The following UNC13B variants were observed in gnomAD, a reference collection of about 807,000 sequenced individuals.
UNC13B encodes the protein protein unc-13 homolog B.
Under a neutral mutation model 211.0 loss-of-function variants are expected in UNC13B, and 144 were observed. The observed-to-expected ratio is 0.68, with a 90% CI of 0.60 to 0.78. The LOEUF (loss-of-function observed/expected upper bound fraction) is 0.78. Ranked by LOEUF, UNC13B falls within the 30% of genes least tolerant of loss-of-function variation. The pLI, the probability that UNC13B is intolerant of heterozygous loss-of-function variation, is 0.00. For synonymous variants in UNC13B, 709 were observed against 725.8 expected, an observed-to-expected ratio of 0.98 and a Z score of 0.37; for missense variants, 1,777 against 2,002.0, an observed-to-expected ratio of 0.89 and a Z score of 2.14.
At chr9:35,376,854 G>C (rs1834449205) in intron 15 of UNC13B, among the ~76,000 whole-genome samples, 1 of 152,196 alleles carries the variant, frequency 6.6e-6, no homozygotes, top group African/African-American at 2.4e-5. Context: ...ACAAGTTCTT[G>C]TTAGAGGAAA....
At chr9:35,372,132 C>A (rs770576393) in intron 13 of UNC13B, among the ~76,000 whole-genome samples, 1 of 152,106 alleles carries the variant, frequency 6.6e-6, no homozygotes, top group Admixed American at 6.5e-5. Context: ...ATTAGCCAGC[C>A]GTGGTGGCGA....
At chr9:35,183,670 A>T (rs1822132686) in intron 1 of UNC13B, among the ~76,000 whole-genome samples, 1 of 132,702 alleles carries the variant, frequency 7.5e-6, no homozygotes. Flanking sequence ...GGCCGGGCAG[A>T]GGCGCTCCTC....
At chr9:35,299,530 T>A (rs77253965) in intron 8 of UNC13B, among the ~76,000 whole-genome samples, 7 of 152,144 alleles carry the variant, frequency 4.6e-5, no homozygotes, top group Non-Finnish European at 7.4e-5. Context: ...ACATGTTTCA[T>A]TTTTTTCATT....
At chr9:35,322,101 T>C (rs1029926434) in intron 11 of UNC13B, among the ~76,000 whole-genome samples, 1 of 152,262 alleles carries the variant, frequency 6.6e-6, no homozygotes, top group Non-Finnish European at 1.5e-5. Context: ...ATGCTATTCC[T>C]ATAAGATTGT....
At chr9:35,281,119 A>G (rs10758302) in intron 7 of UNC13B, among the ~76,000 whole-genome samples, 134,320 of 151,142 alleles carry the variant, frequency 0.89, 60,709 homozygotes, top group East Asian at 0.99. Flanking sequence ...GCGTGGTGGC[A>G]TGCGCCTGTA....
chr9:35,168,683 A>T (rs577886014), intron 1 of UNC13B, among the ~76,000 whole-genome samples: 1 of 148,242 alleles, frequency 6.7e-6, no homozygotes. Context: ...TTTATTTTCC[A>T]TATGAACATG....
In UNC13B at chr9:35,354,170, G is replaced by A. The variant is rs191629513; in HGVS notation, c.9415-12777G>A. Among the ~76,000 whole-genome samples the A allele has an allele frequency of 2.6e-5, 4 of 152,330 alleles. No homozygotes were observed. In the East Asian group the frequency reaches 7.7e-4, roughly 29 times the overall value. On this transcript the variant is annotated intron_variant, in intron 11 of 39. Transcript: ENST00000635942. Reference sequence around the variant, plus strand: ...TTTTAGGATATCAGATGTAAAGAAGGGGTGGGAGTGAGAGGCAGGAGTTGG... The same window carrying A: ...TTTTAGGATATCAGATGTAAAGAAGAGGTGGGAGTGAGAGGCAGGAGTTGG...
chr9:35,405,020 A>G lies in UNC13B; in HGVS notation c.*987A>G, dbSNP rs1344401174. ...ATTTGCTATTCCCCTCTGATATTCAACCCTATAGAAGGAGCCTGGACTCTG... is the reference window on the plus strand; with the variant it reads ...ATTTGCTATTCCCCTCTGATATTCAGCCCTATAGAAGGAGCCTGGACTCTG... On this transcript the variant is annotated 3_prime_UTR_variant, in exon 40 of 40. Transcript: ENST00000635942. 2 of 152,412 alleles carry G rather than the reference A, an allele frequency of 1.3e-5. No individual in the cohort carries two copies. The highest frequency in any genetic ancestry group is 2.9e-5 in the Non-Finnish European group (2 of 68,038). 9.4% of individuals were successfully genotyped at this position (152,412 alleles called of 1,614,324 possible). A position where few individuals can be genotyped will look rare whatever the true frequency, so the allele number is the denominator to read the frequency against.
chr9:35,388,178 C>T (rs1018485817), intron 24 of UNC13B, among the ~76,000 whole-genome samples: 1 of 152,214 alleles, frequency 6.6e-6, no homozygotes, highest in African/African-American at 2.4e-5. Flanking sequence ...GAAGCCGGGG[C>T]GGGTGGATCA....
At chr9:35,392,193 A>C (rs1835578713) in intron 26 of UNC13B, among the ~76,000 whole-genome samples, 3 of 152,192 alleles carry the variant, frequency 2.0e-5, no homozygotes, top group South Asian at 4.1e-4. Flanking sequence ...GCACTTACTC[A>C]GCACTGACTA....
chr9:35,364,236 C>T (rs185890878), intron 11 of UNC13B, among the ~76,000 whole-genome samples: 1 of 131,010 alleles, frequency 7.6e-6, no homozygotes, highest in East Asian at 2.0e-4. Flanking sequence ...GCAGCCCTGA[C>T]CCTTGATGCA....
chr9:35,387,716 C>T (rs1235715623), intron 24 of UNC13B, among the ~76,000 whole-genome samples: 1 of 152,044 alleles, frequency 6.6e-6, no homozygotes, highest in Non-Finnish European at 1.5e-5. Flanking sequence ...ATCTGTTGAC[C>T]TTCAGTCATT....
intron 1 of UNC13B, among the ~76,000 whole-genome samples, chr9:35,191,388 C>T (rs1223432158): frequency 6.6e-6 from 1 of 152,180 alleles, no homozygotes; most frequent in Non-Finnish European, 1.5e-5. Context: ...TTGCTCATCA[C>T]TGGGCATAGG....
chr9:35,204,490 C>A (rs112315348), intron 1 of UNC13B, among the ~76,000 whole-genome samples: 8 of 152,302 alleles, frequency 5.3e-5, no homozygotes, highest in African/African-American at 1.9e-4. Context: ...CCTGTGAGAG[C>A]AACTCTGAAG....
chr9:35,235,439 C>G (rs957082175), intron 3 of UNC13B, among the ~76,000 whole-genome samples: 2 of 152,000 alleles, frequency 1.3e-5, no homozygotes, highest in Admixed American at 6.5e-5. Flanking sequence ...TTCATAAATC[C>G]CCCCCGCCCC....
At chr9:35,206,815 A>C (rs372520443) in intron 1 of UNC13B, among the ~76,000 whole-genome samples, 5 of 150,196 alleles carry the variant, frequency 3.3e-5, no homozygotes, top group East Asian at 3.9e-4. Context: ...CGGAGTTTGC[A>C]GTGAGCTGAG....
chr9:35,259,095 C>T (rs1827106217), intron 7 of UNC13B, 45 bp downstream of exon 7: 1 of 1,596,594 alleles, frequency 6.3e-7, no homozygotes. Flanking sequence ...TTGTAGCTTT[C>T]TGTCGCTTCT....
chr9:35,338,837 C>T (rs1164108943), intron 11 of UNC13B, among the ~76,000 whole-genome samples: 1 of 152,176 alleles, frequency 6.6e-6, no homozygotes, highest in East Asian at 1.9e-4. Flanking sequence ...TTGGAGCAGG[C>T]ATATTCTTTG....
At chr9:35,217,882 A>AG (rs1564074048) in intron 1 of UNC13B, among the ~76,000 whole-genome samples, 2 of 152,222 alleles carry the variant, frequency 1.3e-5, no homozygotes, top group African/African-American at 4.8e-5. Context: ...TGTCTCTATA[A>AG]AAAATAAAAA....
Sources: allele counts gnomAD v4.1 joint callset (sites outside exome capture counted in the v4.1 genomes callset), GRCh38; gene constraint gnomAD v4.1.1; transcripts MANE v1.5; gene names NCBI Gene and HGNC (gene_info 2026-07-23, HGNC 2026-07-21).